Variants in DAB1 observed in about 807,000 individuals in gnomAD.
The protein encoded by DAB1 is DAB adaptor protein 1.
DAB1 carries 15 observed loss-of-function variants against 64.6 expected under a neutral mutation model. The ratio of observed to expected loss-of-function variants is 0.23; its 90% CI spans 0.16 to 0.36. The LOEUF (loss-of-function observed/expected upper bound fraction) is 0.36. Among genes scored for constraint, DAB1 ranks in the 10% least tolerant of loss-of-function variants. The probability of loss-of-function intolerance (pLI) is 1.00; values close to 1 mark genes in which losing one functional copy is unlikely to be tolerated. For synonymous variants in DAB1, 235 were observed against 251.9 expected (o/e 0.93, Z 0.64); for missense variants, 596 against 706.7 (o/e 0.84, Z 1.78).
Position 58,018,576 on chromosome 1 carries a change from G to A in DAB1, n.387+131935C>T, listed in dbSNP as rs1646775194. Among the ~76,000 whole-genome samples, 5 of 152,160 alleles carry A rather than the reference G, an allele frequency of 3.3e-5. No homozygotes were observed. In the South Asian group the frequency reaches 1.0e-3, roughly 32 times the overall value. ...CAAAATGGGCATTGGTCCAGAGGCT[G>A]GAACCTTAGAGATTTATCTGGCAAG... On this transcript the variant is annotated intron_variant and non_coding_transcript_variant, in intron 5 of 20. Coordinates refer to the DAB1 transcript ENST00000485760.
intron 7 of DAB1, among the ~76,000 whole-genome samples, chr1:57,501,648 G>C (rs984059387): frequency 1.3e-5 from 2 of 152,182 alleles, no homozygotes; most frequent in African/African-American, 2.4e-5. Context: ...GGTGACATGA[G>C]AATGTGCTTT....
chr1:57,049,453 A>G (rs1648940890), intron 9 of DAB1, among the ~76,000 whole-genome samples: 1 of 135,360 alleles, frequency 7.4e-6, no homozygotes, highest in East Asian at 2.1e-4. Context: ...TCCGTCTCAA[A>G]AAAAAAAAAA....
chr1:57,225,812 T>C (rs1457542728), intron 2 of DAB1, among the ~76,000 whole-genome samples: 3 of 152,140 alleles, frequency 2.0e-5, no homozygotes, highest in African/African-American at 7.2e-5. Context: ...TAGTGATGTT[T>C]TTGTTTTTGT....
chr1:57,653,263 T>A (rs1159740209), intron 6 of DAB1, among the ~76,000 whole-genome samples: 3 of 152,334 alleles, frequency 2.0e-5, no homozygotes, highest in Non-Finnish European at 4.4e-5. Flanking sequence ...ATTTTTCTGT[T>A]CTAATACATA....
intron 2 of DAB1, among the ~76,000 whole-genome samples, chr1:57,193,984 G>C (rs974285391): frequency 2.4e-4 from 37 of 152,204 alleles, no homozygotes; most frequent in African/African-American, 8.7e-4. Flanking sequence ...TGATAGGAAG[G>C]ACTGAACAGA....
intron 6 of DAB1, among the ~76,000 whole-genome samples, chr1:57,665,504 A>C: frequency 6.6e-6 from 1 of 152,144 alleles, no homozygotes; most frequent in East Asian, 1.9e-4. Flanking sequence ...ACTTTTGGGA[A>C]ATTGTGAATA....
intron 6 of DAB1, among the ~76,000 whole-genome samples, chr1:57,800,025 T>C (rs1651051299): frequency 6.6e-6 from 1 of 152,198 alleles, no homozygotes; most frequent in South Asian, 2.1e-4. Flanking sequence ...CTAATGCTAA[T>C]ATAAACACTA....
chr1:57,200,259 C>G (rs17115341), intron 2 of DAB1, among the ~76,000 whole-genome samples: 2 of 152,112 alleles, frequency 1.3e-5, no homozygotes, highest in African/African-American at 4.8e-5. Flanking sequence ...CCTTAAGCTG[C>G]CAGAAAGCAT....
At chr1:57,836,728 A>G (rs1325938996) in intron 1 of DAB1, among the ~76,000 whole-genome samples, 1 of 152,214 alleles carries the variant, frequency 6.6e-6, no homozygotes, top group Non-Finnish European at 1.5e-5. Context: ...ATTGCCACAC[A>G]TAATAGCTAA....
At chr1:58,260,552 G>A (rs911567909) in intron 4 of DAB1, among the ~76,000 whole-genome samples, 2 of 152,026 alleles carry the variant, frequency 1.3e-5, no homozygotes, top group African/African-American at 4.8e-5. Context: ...CGCCTGTTGT[G>A]GGCTAGCCAC....
At chr1:57,902,178 A>T (rs896280762) in intron 5 of DAB1, among the ~76,000 whole-genome samples, 1 of 151,546 alleles carries the variant, frequency 6.6e-6, no homozygotes, top group East Asian at 1.9e-4. Context: ...AAAAAGAAAG[A>T]AACTATTGAA....
intron 9 of DAB1, among the ~76,000 whole-genome samples, chr1:57,032,090 C>T (rs1235088693): frequency 6.6e-6 from 1 of 152,130 alleles, no homozygotes; most frequent in East Asian, 1.9e-4. Context: ...GTATACTGGT[C>T]CTTCCAACTA....
chr1:57,739,315 C>T (rs1039794222), intron 6 of DAB1, among the ~76,000 whole-genome samples: 2 of 152,000 alleles, frequency 1.3e-5, no homozygotes, highest in South Asian at 4.2e-4. Context: ...AGTGCTCTCA[C>T]ATTTCTTTCT....
intron 4 of DAB1, among the ~76,000 whole-genome samples, chr1:57,131,401 C>T (rs1273155228): frequency 6.6e-6 from 1 of 152,200 alleles, no homozygotes; most frequent in Non-Finnish European, 1.5e-5. Context: ...GTCATGTTTA[C>T]AGGCTAGCCC....
rs114411016 is a variant in DAB1 at position 57,488,743 on chromosome 1, A to G, written n.625+160849T>C. On this transcript the variant is annotated intron_variant and non_coding_transcript_variant, in intron 7 of 20. Coordinates refer to the DAB1 transcript ENST00000485760. ...TATATAGGTGCTGCACTGCCAGATA[A>G]CATAAGAGAGTAACATACATAGCTA... 2.0e-4 allele frequency among the ~76,000 whole-genome samples: 30 copies of G among 152,276 alleles called. 2 individuals carry two copies. Among genetic ancestry groups the G allele is most frequent in the African/African-American group, 5.3e-4 (22 of 41,582 alleles).
intron 5 of DAB1, among the ~76,000 whole-genome samples, chr1:58,102,615 T>C (rs1458027883): frequency 6.6e-6 from 1 of 152,184 alleles, no homozygotes; most frequent in African/African-American, 2.4e-5. Context: ...GCCAAAATAT[T>C]TTTTTCTTAC....
At chr1:57,273,576 TTCC>T (rs1558067057) in intron 2 of DAB1, among the ~76,000 whole-genome samples, 5 of 69,116 alleles carry the variant, frequency 7.2e-5, no homozygotes, top group Admixed American at 5.9e-4. Context: ...CCTTCCTTCC[TTCC>T]TTCCTTCCTT....
intron 5 of DAB1, among the ~76,000 whole-genome samples, chr1:58,041,925 A>T (rs1647143087): frequency 6.6e-6 from 1 of 152,216 alleles, no homozygotes; most frequent in Non-Finnish European, 1.5e-5. Flanking sequence ...CCCCAACACC[A>T]ACCTCTCAGT....
At chr1:57,144,508 AC>A (rs1450337216) in intron 3 of DAB1, among the ~76,000 whole-genome samples, 1 of 152,118 alleles carries the variant, frequency 6.6e-6, no homozygotes, top group Non-Finnish European at 1.5e-5. Context: ...AGCCTGACCA[AC>A]ATGGTGAAAC....
Sources: gnomAD v4.1 joint callset for allele counts (sites outside exome capture counted in the v4.1 genomes callset) on GRCh38, gnomAD v4.1.1 for gene constraint, MANE v1.5 for transcripts, NCBI Gene and HGNC (gene_info 2026-07-23, HGNC 2026-07-21) for gene names.